The following CSMD1 variants were observed in gnomAD, a reference collection of about 807,000 sequenced individuals.
The protein encoded by CSMD1 is CUB and Sushi multiple domains 1.
Under a neutral mutation model 417.5 loss-of-function variants are expected in CSMD1, and 213 were observed. The observed-to-expected ratio is 0.51, with a 90% CI of 0.46 to 0.57. The LOEUF (loss-of-function observed/expected upper bound fraction) is 0.57. Among genes scored for constraint, CSMD1 ranks in the 20% least tolerant of loss-of-function variants. The pLI is 0.00. For missense variants in CSMD1, 6,923 were observed against 4,529.7 expected (o/e 1.53, Z -15.17); for synonymous variants, 2,862 against 1,736.8 (o/e 1.65, Z -16.11).
At chr8:4,519,454 G>T (rs904043703) in intron 2 of CSMD1, among the ~76,000 whole-genome samples, 2 of 151,442 alleles carry the variant, frequency 1.3e-5, no homozygotes, top group African/African-American at 4.9e-5. Flanking sequence ...AATTTGCTAG[G>T]GGAAGCTGGG....
chr8:4,232,798 T>C (rs1801822067), intron 3 of CSMD1, among the ~76,000 whole-genome samples: 1 of 152,228 alleles, frequency 6.6e-6, no homozygotes, highest in African/African-American at 2.4e-5. Context: ...GAATTGAATG[T>C]CAGGTGCCTC....
At chr8:4,043,652 G>C (rs1010311927) in intron 3 of CSMD1, among the ~76,000 whole-genome samples, 3 of 152,128 alleles carry the variant, frequency 2.0e-5, no homozygotes, top group African/African-American at 7.2e-5. Flanking sequence ...TTCTAGGAGT[G>C]GTGGTTCCTG....
At chr8:4,067,693 A>G (rs1046818607) in intron 3 of CSMD1, among the ~76,000 whole-genome samples, 1 of 152,210 alleles carries the variant, frequency 6.6e-6, no homozygotes, top group South Asian at 2.1e-4. Context: ...CCTGTGGAAT[A>G]TTAAACTTTC....
chr8:4,263,946 G>C (rs149388740), intron 3 of CSMD1, among the ~76,000 whole-genome samples: 4 of 152,246 alleles, frequency 2.6e-5, no homozygotes, highest in South Asian at 2.1e-4. Flanking sequence ...TCTATATAAT[G>C]CAATTTGTCA....
At chr8:4,861,014 T>TTCTAGGTGCTTATTTA (rs1320124489) in intron 1 of CSMD1, among the ~76,000 whole-genome samples, 1 of 152,150 alleles carries the variant, frequency 6.6e-6, no homozygotes, top group Non-Finnish European at 1.5e-5. Context: ...GTAATACATA[T>TTCTAGGTGCTTATTTA]TCTAGGTGCT....
At chr8:4,653,052 A>C (rs919902255) in intron 1 of CSMD1, among the ~76,000 whole-genome samples, 7 of 152,004 alleles carry the variant, frequency 4.6e-5, no homozygotes, top group Admixed American at 6.5e-5. Flanking sequence ...TCCTCAGTCC[A>C]GGGCTTGGGG....
At chr8:4,846,028 T>C (rs1312983978) in intron 1 of CSMD1, among the ~76,000 whole-genome samples, 1 of 152,186 alleles carries the variant, frequency 6.6e-6, no homozygotes. Flanking sequence ...CTTCTTTGTT[T>C]TTCCAGAATG....
At chr8:3,856,157 G>A (rs117526211) in intron 5 of CSMD1, among the ~76,000 whole-genome samples, 1,600 of 152,136 alleles carry the variant, frequency 0.011, 14 homozygotes, top group Non-Finnish European at 0.017. Context: ...GATTGTGGAG[G>A]TGGTTTGTAA....
intron 3 of CSMD1, among the ~76,000 whole-genome samples, chr8:4,167,151 T>G (rs1370384389): frequency 2.0e-5 from 3 of 152,220 alleles, no homozygotes; most frequent in Non-Finnish European, 2.9e-5. Flanking sequence ...CATTTTTTTT[T>G]CTACCTACTT....
intron 9 of CSMD1, among the ~76,000 whole-genome samples, chr8:3,575,485 A>T (rs2116943203): frequency 6.6e-6 from 1 of 152,270 alleles, no homozygotes; most frequent in Non-Finnish European, 1.5e-5. Context: ...GGCACCGCCG[A>T]GTGCAATTCA....
At chr8:4,337,292 T>G (rs1800227392) in intron 3 of CSMD1, among the ~76,000 whole-genome samples, 1 of 152,052 alleles carries the variant, frequency 6.6e-6, no homozygotes, top group Non-Finnish European at 1.5e-5. Context: ...CTGCTTGACA[T>G]TTTTCTCTGC....
intron 25 of CSMD1, among the ~76,000 whole-genome samples, chr8:3,299,189 C>T (rs370630275): frequency 2.2e-4 from 33 of 152,282 alleles, no homozygotes; most frequent in Middle Eastern, 6.8e-3. Context: ...TGGTGGCTCA[C>T]GCCTGTAATC....
intron 1 of CSMD1, among the ~76,000 whole-genome samples, chr8:4,981,009 C>G (rs1311304648): frequency 6.6e-6 from 1 of 151,996 alleles, no homozygotes; most frequent in Non-Finnish European, 1.5e-5. Context: ...ATTATTATTT[C>G]ACTTAGAGAA....
intron 5 of CSMD1, among the ~76,000 whole-genome samples, chr8:3,843,824 G>T (rs1286068096): frequency 6.6e-6 from 1 of 152,144 alleles, no homozygotes; most frequent in Non-Finnish European, 1.5e-5. Flanking sequence ...CTTGTTTTAG[G>T]AATCAAATGG....
intron 5 of CSMD1, among the ~76,000 whole-genome samples, chr8:3,911,121 T>A (rs1263335674): frequency 2.0e-5 from 3 of 152,240 alleles, no homozygotes; most frequent in African/African-American, 4.8e-5. Context: ...ACTGGACAGG[T>A]TGCCAATCAC....
At chr8:3,403,453 C>A (rs183332307) in intron 15 of CSMD1, among the ~76,000 whole-genome samples, 2 of 152,204 alleles carry the variant, frequency 1.3e-5, no homozygotes, top group Non-Finnish European at 2.9e-5. Flanking sequence ...GGTTTCTCAA[C>A]GCAGGTAGAC....
chr8:3,222,737 C>T lies in CSMD1; in HGVS notation c.4484+992G>A, dbSNP rs1798288694. On this transcript the variant is annotated intron_variant, in intron 28 of 69. Transcript: ENST00000635120. ...AAAAAATATAGCCAGTGAGTGTTCACTGGTTTTCTGTAATAGCTGAGTAAC... is the reference window on the plus strand; with the variant it reads ...AAAAAATATAGCCAGTGAGTGTTCATTGGTTTTCTGTAATAGCTGAGTAAC... Among the ~76,000 whole-genome samples, 4 of 152,188 alleles carry T rather than the reference C, an allele frequency of 2.6e-5. No individual in the cohort carries two copies. The South Asian group carries it at 8.3e-4, about 31-fold the overall frequency.
At chr8:4,138,944 C>G (rs1420575578) in intron 3 of CSMD1, among the ~76,000 whole-genome samples, 2 of 152,112 alleles carry the variant, frequency 1.3e-5, no homozygotes, top group African/African-American at 4.8e-5. Flanking sequence ...GGAATATTAA[C>G]AAACATTGTC....
At chr8:4,661,951 T>G (rs1804634999) in intron 1 of CSMD1, among the ~76,000 whole-genome samples, 1 of 152,180 alleles carries the variant, frequency 6.6e-6, no homozygotes, top group African/African-American at 2.4e-5. Context: ...AGTTTCTACA[T>G]AGTTACAGAG....
Sources: allele counts gnomAD v4.1 joint callset (sites outside exome capture counted in the v4.1 genomes callset), GRCh38; gene constraint gnomAD v4.1.1; transcripts MANE v1.5; gene names NCBI Gene and HGNC (gene_info 2026-07-23, HGNC 2026-07-21).